Variants in ELP4 observed in about 807,000 individuals in gnomAD.
The protein encoded by ELP4 is elongator acetyltransferase complex subunit 4.
Under a neutral mutation model 48.9 loss-of-function variants are expected in ELP4, and 51 were observed. The ratio of observed to expected loss-of-function variants is 1.04; its 90% CI spans 0.83 to 1.32. The LOEUF is 1.32. Ranked by LOEUF, ELP4 falls within the 40% of genes most tolerant of loss-of-function variation. The pLI, the probability that ELP4 is intolerant of heterozygous loss-of-function variation, is 0.00. For missense variants in ELP4, 519 were observed against 514.6 expected (o/e 1.01, Z -0.08); for synonymous variants, 210 against 189.2 (o/e 1.11, Z -0.90).
intron 9 of ELP4, among the ~76,000 whole-genome samples, chr11:31,777,271 C>T (rs1001268860): frequency 3.9e-5 from 6 of 152,138 alleles, no homozygotes; most frequent in Non-Finnish European, 7.3e-5. Context: ...CCCCTCCATC[C>T]TCCTCCTTGT....
At chr11:31,652,359 T>A (rs1945338890) in intron 9 of ELP4, 1 of 151,672 alleles carries the variant, frequency 6.6e-6, no homozygotes, top group Non-Finnish European at 1.5e-5. Flanking sequence ...ATAGGTATAA[T>A]TAGAATAGAA....
chr11:31,600,851 T>C (rs1314447060), intron 4 of ELP4, among the ~76,000 whole-genome samples: 1 of 152,198 alleles, frequency 6.6e-6, no homozygotes. Context: ...TTTGAAAGTT[T>C]TGTTTCTTTG....
chr11:31,528,074 G>C (rs1956327384), intron 2 of ELP4, among the ~76,000 whole-genome samples: 1 of 151,956 alleles, frequency 6.6e-6, no homozygotes, highest in Admixed American at 6.6e-5. Context: ...CTTAACTACT[G>C]CTTTCCTTCC....
intron 9 of ELP4, among the ~76,000 whole-genome samples, chr11:31,723,707 G>A (rs1109406): frequency 0.021 from 3,218 of 152,194 alleles, 106 homozygotes; most frequent in African/African-American, 0.073. Flanking sequence ...GTGGTAAAGC[G>A]CACATGGAGG....
intron 2 of ELP4, among the ~76,000 whole-genome samples, chr11:31,537,123 A>G (rs1175233584): frequency 2.0e-5 from 3 of 152,148 alleles, no homozygotes; most frequent in African/African-American, 7.2e-5. Context: ...TAACTCTGTG[A>G]TCCATTTCAA....
chr11:31,774,597 A>G (rs1197868627), intron 9 of ELP4, among the ~76,000 whole-genome samples: 2 of 152,208 alleles, frequency 1.3e-5, no homozygotes, highest in African/African-American at 4.8e-5. Context: ...ACACACTAGT[A>G]TTCTGAATTT....
chr11:31,717,335 A>G (rs1009718407), intron 9 of ELP4, among the ~76,000 whole-genome samples: 3 of 152,218 alleles, frequency 2.0e-5, no homozygotes, highest in Non-Finnish European at 2.9e-5. Flanking sequence ...AACAGAAATC[A>G]TAGACTTTTT....
Position 31,789,630 on chromosome 11 carries a change from C to A in ELP4, c.*6106C>A. The A allele has an allele frequency of 2.9e-6, 2 of 691,928 alleles. No individual in the cohort carries two copies. Among genetic ancestry groups the A allele is most frequent in the South Asian group, 3.1e-5 (2 of 65,468 alleles). The allele number at this position is 691,928 out of a possible 1,614,324, so 42.9% of individuals were successfully genotyped here. On this transcript the variant is annotated 3_prime_UTR_variant, in exon 10 of 10. Coordinates refer to ENST00000640961, the MANE Select transcript of ELP4 (RefSeq NM_019040.5). Reference sequence around the variant, plus strand: ...AACACAGATCAAACATCCATCCAGTCTACATTGTTCTTTTTTTCATTATAA... The same window carrying A: ...AACACAGATCAAACATCCATCCAGTATACATTGTTCTTTTTTTCATTATAA...
rs1296309215 is a variant in ELP4 at position 31,637,853 on chromosome 11, C to T, written c.927+5448C>T. Among the ~76,000 whole-genome samples the T allele has an allele frequency of 4.0e-5, 6 of 151,862 alleles. No individual in the cohort carries two copies. The East Asian group carries it at 1.2e-3, about 29-fold the overall frequency. Reference sequence around the variant, plus strand: ...TGCTTCAAGAAATGGTGACCAATAACACTTATTCTTTTTGGAAATAGAAAC... The same window carrying T: ...TGCTTCAAGAAATGGTGACCAATAATACTTATTCTTTTTGGAAATAGAAAC... On this transcript the variant is annotated intron_variant, in intron 7 of 9. Transcript: ENST00000640961.
intron 9 of ELP4, among the ~76,000 whole-genome samples, chr11:31,732,234 T>C (rs1300533566): frequency 5.9e-5 from 9 of 152,282 alleles, no homozygotes; most frequent in East Asian, 1.9e-4. Context: ...TCTATAACTA[T>C]AAAAATATGC....
At chr11:31,775,699 G>GT (rs2134277525) in intron 9 of ELP4, among the ~76,000 whole-genome samples, 2 of 152,210 alleles carry the variant, frequency 1.3e-5, no homozygotes, top group Non-Finnish European at 2.9e-5. Flanking sequence ...AGGTGCGATG[G>GT]TTCACACCTG....
At chr11:31,546,886 C>T (rs1244212012) in intron 3 of ELP4, among the ~76,000 whole-genome samples, 1 of 152,194 alleles carries the variant, frequency 6.6e-6, no homozygotes, top group African/African-American at 2.4e-5. Flanking sequence ...TGAATGACTA[C>T]TGGGTACATA....
intron 7 of ELP4, among the ~76,000 whole-genome samples, chr11:31,636,014 T>C (rs1330008210): frequency 6.6e-6 from 1 of 152,004 alleles, no homozygotes; most frequent in Non-Finnish European, 1.5e-5. Context: ...CTGTCCACTA[T>C]GACCAGTGCC....
intron 9 of ELP4, among the ~76,000 whole-genome samples, chr11:31,747,363 T>C (rs1947619439): frequency 6.6e-6 from 1 of 152,096 alleles, no homozygotes; most frequent in East Asian, 1.9e-4. Flanking sequence ...GATCCCCATC[T>C]TAGAGGAAGC....
In ELP4 at chr11:31,627,122, T is replaced by C. The variant is rs780689124; in HGVS notation, c.666T>C (p.Pro222=). The C allele has an allele frequency of 3.1e-5, 50 of 1,607,804 alleles. No individual in the cohort carries two copies. Among genetic ancestry groups the C allele is most frequent in the Non-Finnish European group, 4.0e-5 (47 of 1,175,924 alleles). Residue 222 remains proline, a synonymous_variant, in exon 6 of 10, where the codon CCT becomes CCC. Transcript: ENST00000640961. ...TLKVEPCSLT[P]GYTKLLQFIQ... ...CTTTTACCAACAGTTCTTTGACCCC[T>C]GGCTACACAAAGCTGCTTCAGTTTA... is the stretch of plus-strand genomic sequence containing the variant.
intron 9 of ELP4, among the ~76,000 whole-genome samples, chr11:31,692,017 C>T (rs12793980): frequency 6.6e-6 from 1 of 152,128 alleles, no homozygotes; most frequent in African/African-American, 2.4e-5. Context: ...AGGATTTAAG[C>T]ATTTTGTCTA....
chr11:31,514,692 C>T (rs1468783709), intron 1 of ELP4, among the ~76,000 whole-genome samples: 1 of 151,948 alleles, frequency 6.6e-6, no homozygotes, highest in Non-Finnish European at 1.5e-5. Flanking sequence ...GTCTATGTTG[C>T]TTTTGGAATT....
At chr11:31,664,039 C>T (rs962783199) in intron 9 of ELP4, 2 of 152,054 alleles carry the variant, frequency 1.3e-5, no homozygotes, top group African/African-American at 4.8e-5. Flanking sequence ...AAAAAGAACT[C>T]AATGTAGTGT....
chr11:31,571,843 T>A (rs1214136866), intron 3 of ELP4, among the ~76,000 whole-genome samples: 2 of 152,202 alleles, frequency 1.3e-5, no homozygotes, highest in Non-Finnish European at 2.9e-5. Flanking sequence ...TATAGTGGGC[T>A]TAAAATATTC....
Sources: allele counts gnomAD v4.1 joint callset (sites outside exome capture counted in the v4.1 genomes callset), GRCh38; gene constraint gnomAD v4.1.1; transcripts MANE v1.5; gene names NCBI Gene and HGNC (gene_info 2026-07-23, HGNC 2026-07-21).